CA10: variants seen among roughly 807,000 people sequenced by gnomAD.
CA10 encodes carbonic anhydrase 10 (inactive), also known as carbonic anhydrase-related protein 10.
A neutral mutation model predicts 44.2 loss-of-function variants in CA10; 14 were observed. That is an observed-to-expected ratio of 0.32 (90% CI 0.21 to 0.50). CA10 has a LOEUF of 0.50. Among genes scored for constraint, CA10 ranks in the 20% least tolerant of loss-of-function variants. CA10 has a pLI of 0.99. For missense variants in CA10, 350 were observed against 409.7 expected, an observed-to-expected ratio of 0.85 and a Z score of 1.26; for synonymous variants, 159 against 141.6, an observed-to-expected ratio of 1.12 and a Z score of -0.87.
chr17:51,984,954 C>T (rs1336449738), intron 2 of CA10, among the ~76,000 whole-genome samples: 1 of 151,854 alleles, frequency 6.6e-6, no homozygotes, highest in East Asian at 1.9e-4. Context: ...GAGTTGGTAC[C>T]AATCCTTCTG....
At chr17:51,844,154 A>T (rs1042990044) in intron 3 of CA10, among the ~76,000 whole-genome samples, 1 of 151,866 alleles carries the variant, frequency 6.6e-6, no homozygotes, top group East Asian at 1.9e-4. Flanking sequence ...ACATTACTAG[A>T]TCTTATTTGA....
intron 2 of CA10, among the ~76,000 whole-genome samples, chr17:51,978,366 C>CTG (rs199687408): frequency 1.3e-5 from 2 of 149,880 alleles, no homozygotes; most frequent in Admixed American, 1.3e-4. Flanking sequence ...ATACTCATAT[C>CTG]TGTGTGTGTG....
At chr17:51,975,393 G>T (rs1160586391) in intron 2 of CA10, among the ~76,000 whole-genome samples, 6 of 152,142 alleles carry the variant, frequency 3.9e-5, no homozygotes, top group African/African-American at 1.4e-4. Context: ...AAAAGCAAGA[G>T]TCTGGCTGGG....
intron 4 of CA10, among the ~76,000 whole-genome samples, chr17:51,657,995 TA>T (rs1242005873): frequency 6.6e-6 from 1 of 152,252 alleles, no homozygotes; most frequent in Admixed American, 6.5e-5. Context: ...AATTATTTAA[TA>T]ATCTTGATTT....
At position 52,132,587 on chromosome 17, in the gene CA10, G is replaced by A. The variant is rs76758876; in HGVS notation, c.61+25139C>T. On this transcript the variant is annotated intron_variant, in intron 1 of 8. Transcript: ENST00000451037. ...CTTCTGGGTTTCTGACTTATATGTG[G>A]GGCACAGCAACAGGGAATGAAGGCA... 5.3e-3 allele frequency among the ~76,000 whole-genome samples: 807 copies of A among 152,242 alleles called. 11 individuals carry two copies. The highest frequency in any genetic ancestry group is 0.019 in the African/African-American group (775 of 41,528).
chr17:51,637,017 A>AT (rs898134774), intron 6 of CA10, among the ~76,000 whole-genome samples: 1 of 152,016 alleles, frequency 6.6e-6, no homozygotes, highest in African/African-American at 2.4e-5. Flanking sequence ...TTTCCTGTTA[A>AT]TTTTTTTAGT....
intron 3 of CA10, among the ~76,000 whole-genome samples, chr17:51,917,932 C>T (rs1469679113): frequency 1.3e-5 from 2 of 152,178 alleles, no homozygotes; most frequent in East Asian, 3.8e-4. Context: ...CCCCCATTCC[C>T]TGGCAGCTTT....
intron 3 of CA10, among the ~76,000 whole-genome samples, chr17:51,898,348 A>C (rs562363768): frequency 1.3e-5 from 2 of 152,192 alleles, no homozygotes; most frequent in African/African-American, 4.8e-5. Context: ...TGTGATAAAT[A>C]ACATTTATTG....
intron 3 of CA10, among the ~76,000 whole-genome samples, chr17:51,765,690 C>CGTGTGTGTGT (rs1567832322): frequency 1.1e-5 from 1 of 90,904 alleles, no homozygotes; most frequent in Non-Finnish European, 2.4e-5. Context: ...CAGGCAGCTC[C>CGTGTGTGTGT]CTGTGTGTGT....
chr17:52,115,845 G>A (rs9892723), intron 1 of CA10, among the ~76,000 whole-genome samples: 96,122 of 152,128 alleles, frequency 0.63, 32,672 homozygotes, highest in African/African-American at 0.88. Flanking sequence ...TGTAATTCCA[G>A]CACTTTGGGA....
At chr17:51,898,822 ATAGTATG>A (rs1375976196) in intron 3 of CA10, among the ~76,000 whole-genome samples, 1 of 151,740 alleles carries the variant, frequency 6.6e-6, no homozygotes. Context: ...TCTAGGTTTT[ATAGTATG>A]TGTGCATAGA....
At chr17:51,854,733 C>A (rs1382305183) in intron 3 of CA10, among the ~76,000 whole-genome samples, 3 of 152,250 alleles carry the variant, frequency 2.0e-5, no homozygotes, top group Admixed American at 2.0e-4. Flanking sequence ...TGGCTTATGA[C>A]CTAACAGAAG....
chr17:52,041,659 G>A (rs1986772220), intron 2 of CA10, among the ~76,000 whole-genome samples: 1 of 152,044 alleles, frequency 6.6e-6, no homozygotes, highest in African/African-American at 2.4e-5. Context: ...TCACCATGCT[G>A]TACATTAGAT....
chr17:51,739,053 A>G (rs1904356274), intron 4 of CA10, among the ~76,000 whole-genome samples: 1 of 152,100 alleles, frequency 6.6e-6, no homozygotes, highest in Non-Finnish European at 1.5e-5. Flanking sequence ...GGACACTTGG[A>G]GTAGACTTGT....
At chr17:51,972,787 CAG>C (rs1210516162) in intron 2 of CA10, among the ~76,000 whole-genome samples, 1 of 149,828 alleles carries the variant, frequency 6.7e-6, no homozygotes, top group Admixed American at 6.6e-5. Context: ...AAAAAAAAAA[CAG>C]AAATCTAAAA....
chr17:51,909,164 AG>A (rs1226008250), intron 3 of CA10, among the ~76,000 whole-genome samples: 5 of 152,166 alleles, frequency 3.3e-5, no homozygotes, highest in African/African-American at 1.2e-4. Flanking sequence ...GTGAGATAGA[AG>A]GTGAAAGGTG....
chr17:51,922,819 TTC>T (rs1898012065), intron 3 of CA10, among the ~76,000 whole-genome samples: 1 of 152,170 alleles, frequency 6.6e-6, no homozygotes, highest in Non-Finnish European at 1.5e-5. Context: ...CTAGCTTTTT[TTC>T]TTTTTTTAAC....
At chr17:52,023,360 G>A (rs952591193) in intron 2 of CA10, among the ~76,000 whole-genome samples, 2 of 151,946 alleles carry the variant, frequency 1.3e-5, no homozygotes, top group African/African-American at 2.4e-5. Context: ...ACAAAAATAA[G>A]CAATGAGGAA....
At chr17:52,123,403 T>C (rs2143324295) in intron 1 of CA10, among the ~76,000 whole-genome samples, 1 of 143,262 alleles carries the variant, frequency 7.0e-6, no homozygotes, top group Admixed American at 7.1e-5. Context: ...TGTGACGTTT[T>C]CATTTAAAAG....
Sources: gnomAD v4.1 joint callset for allele counts (sites outside exome capture counted in the v4.1 genomes callset) on GRCh38, gnomAD v4.1.1 for gene constraint, MANE v1.5 for transcripts, NCBI Gene and HGNC (gene_info 2026-07-23, HGNC 2026-07-21) for gene names.